Variants in SAMD3 observed in about 807,000 individuals in gnomAD.
SAMD3 encodes sterile alpha motif domain containing 3.
In SAMD3, 63 loss-of-function variants were observed where a neutral mutation model predicts 58.5. The observed-to-expected ratio is 1.08, with a 90% CI of 0.88 to 1.33. SAMD3 has a LOEUF of 1.33. SAMD3 is among the 40% of genes most tolerant of loss of function. The pLI, the probability that SAMD3 is intolerant of heterozygous loss-of-function variation, is 0.00. For missense variants in SAMD3, 604 were observed against 608.4 expected, an observed-to-expected ratio of 0.99 and a Z score of 0.08; for synonymous variants, 220 against 210.3, an observed-to-expected ratio of 1.05 and a Z score of -0.40.
intron 5 of SAMD3, among the ~76,000 whole-genome samples, chr6:130,194,088 C>T (rs1326791260): frequency 6.6e-6 from 1 of 152,152 alleles, no homozygotes; most frequent in African/African-American, 2.4e-5. Flanking sequence ...TTATCACCAC[C>T]CCTCCTCACA....
chr6:130,235,649 T>C (rs1773120631), intron 2 of SAMD3, among the ~76,000 whole-genome samples: 1 of 152,214 alleles, frequency 6.6e-6, no homozygotes, highest in Non-Finnish European at 1.5e-5. Flanking sequence ...AGACATTGTG[T>C]TGAATCTAAG....
intron 5 of SAMD3, among the ~76,000 whole-genome samples, chr6:130,191,776 TAA>T (rs1793574563): frequency 6.6e-6 from 1 of 152,142 alleles, no homozygotes. Flanking sequence ...ATGAGAAAAA[TAA>T]AAGTCAATGG....
At chr6:130,264,987 A>T (rs911256332) in intron 2 of SAMD3, among the ~76,000 whole-genome samples, 2 of 152,226 alleles carry the variant, frequency 1.3e-5, no homozygotes, top group East Asian at 3.8e-4. Context: ...CCTGGCAGCA[A>T]TGGCCTTGTT....
chr6:130,290,767 G>C (rs1487897270), intron 2 of SAMD3, among the ~76,000 whole-genome samples: 3 of 152,150 alleles, frequency 2.0e-5, no homozygotes, highest in African/African-American at 7.2e-5. Flanking sequence ...AGTGTGTTCA[G>C]AATAAGATAG....
At chr6:130,180,216 G>T (rs1006722594) in intron 7 of SAMD3, among the ~76,000 whole-genome samples, 7 of 151,120 alleles carry the variant, frequency 4.6e-5, no homozygotes, top group African/African-American at 7.3e-5. Flanking sequence ...AACCTCCTGG[G>T]CTCTAGTGGT....
intron 5 of SAMD3, among the ~76,000 whole-genome samples, chr6:130,191,131 A>G (rs1248767557): frequency 6.6e-6 from 1 of 151,890 alleles, no homozygotes; most frequent in Non-Finnish European, 1.5e-5. Flanking sequence ...GTTTGCCGAC[A>G]ATGTAACCCA....
At chr6:130,226,055 A>T (rs908886383), upstream of SAMD3, among the ~76,000 whole-genome samples, 5 of 152,196 alleles carry the variant, frequency 3.3e-5, no homozygotes, top group Non-Finnish European at 4.4e-5. Context: ...TTGCAGAAGT[A>T]TCTGCAGTAA....
chr6:130,176,922 G>C (rs540034142), intron 7 of SAMD3, among the ~76,000 whole-genome samples: 1 of 152,224 alleles, frequency 6.6e-6, no homozygotes, highest in Admixed American at 6.5e-5. Flanking sequence ...TAAAGTGGGA[G>C]AGAGGAGCCA....
At chr6:130,180,886 A>G (rs1041638144) in intron 7 of SAMD3, among the ~76,000 whole-genome samples, 10 of 151,874 alleles carry the variant, frequency 6.6e-5, no homozygotes, top group African/African-American at 1.2e-4. Context: ...ATGCATATCA[A>G]TGTAGCATTC....
intron 5 of SAMD3, among the ~76,000 whole-genome samples, chr6:130,208,880 C>CAGCG (rs1200974021): frequency 3.3e-5 from 5 of 152,178 alleles, no homozygotes; most frequent in Non-Finnish European, 5.9e-5. Flanking sequence ...AGGTTGGGAA[C>CAGCG]CGCTATTCTA....
chr6:130,207,768 A>G (rs1469891313), intron 5 of SAMD3, among the ~76,000 whole-genome samples: 3 of 152,214 alleles, frequency 2.0e-5, no homozygotes, highest in African/African-American at 7.2e-5. Flanking sequence ...TTGCCACCCC[A>G]AACAAGAGTC....
At chr6:130,150,766 C>A (rs1325854169) in intron 9 of SAMD3, among the ~76,000 whole-genome samples, 1 of 151,488 alleles carries the variant, frequency 6.6e-6, no homozygotes, top group Non-Finnish European at 1.5e-5. Context: ...GGCTGGAGTC[C>A]AGTGGCACAA....
intron 8 of SAMD3, chr6:130,162,180 G>T (rs895680033): frequency 4.4e-6 from 3 of 685,810 alleles, no homozygotes; most frequent in Non-Finnish European, 5.3e-6. Flanking sequence ...ATAGAGTGTG[G>T]TCTCTCTACT....
chr6:130,199,848 TTTTAA>T (rs1264204361), intron 5 of SAMD3, among the ~76,000 whole-genome samples: 5 of 152,220 alleles, frequency 3.3e-5, no homozygotes, highest in African/African-American at 9.6e-5. Flanking sequence ...TGATGTTTGC[TTTTAA>T]TTTATGTTTT....
chr6:130,265,196 G>T (rs1482941142), intron 2 of SAMD3, among the ~76,000 whole-genome samples: 1 of 152,168 alleles, frequency 6.6e-6, no homozygotes, highest in Non-Finnish European at 1.5e-5. Flanking sequence ...CCTTGCTCCT[G>T]GTATCAGAGA....
intron 2 of SAMD3, among the ~76,000 whole-genome samples, chr6:130,241,866 A>G (rs1163345717): frequency 6.6e-6 from 1 of 152,098 alleles, no homozygotes; most frequent in Non-Finnish European, 1.5e-5. Flanking sequence ...AAAAACAGCC[A>G]CAGGTGTTTC....
chr6:130,238,058 T>G (rs1172334136), intron 2 of SAMD3, among the ~76,000 whole-genome samples: 1 of 152,182 alleles, frequency 6.6e-6, no homozygotes, highest in Non-Finnish European at 1.5e-5. Context: ...AAAAAAGAAC[T>G]AAAGATGCTG....
intron 2 of SAMD3, among the ~76,000 whole-genome samples, chr6:130,252,690 TTGGTTTCC>T (rs1773779583): frequency 6.6e-6 from 1 of 152,204 alleles, no homozygotes; most frequent in African/African-American, 2.4e-5. Flanking sequence ...TCGTTTGTTT[TTGGTTTCC>T]TGGATTTGGG....
intron 2 of SAMD3, among the ~76,000 whole-genome samples, chr6:130,280,026 T>TA (rs1223373745): frequency 1.5e-5 from 2 of 134,364 alleles, no homozygotes; most frequent in African/African-American, 2.7e-5. Flanking sequence ...AAGTTAAAAA[T>TA]AAAAAACCAC....
Sources: allele counts gnomAD v4.1 joint callset (sites outside exome capture counted in the v4.1 genomes callset), GRCh38; gene constraint gnomAD v4.1.1; transcripts MANE v1.5; gene names NCBI Gene and HGNC (gene_info 2026-07-23, HGNC 2026-07-21).